TDRD10: variants seen among roughly 807,000 people sequenced by gnomAD.
The protein encoded by TDRD10 is tudor domain containing 10, also known as tudor domain-containing protein 10.
In TDRD10, 40 loss-of-function variants were observed where a neutral mutation model predicts 48.0. The observed-to-expected ratio is 0.83, with a 90% CI of 0.65 to 1.09. The LOEUF (loss-of-function observed/expected upper bound fraction) is 1.09. TDRD10 is among the 50% of genes least tolerant of loss of function. The pLI, the probability that TDRD10 is intolerant of heterozygous loss-of-function variation, is 0.00. For synonymous variants in TDRD10, 162 were observed against 170.4 expected, an observed-to-expected ratio of 0.95 and a Z score of 0.38; for missense variants, 378 against 434.7, an observed-to-expected ratio of 0.87 and a Z score of 1.16.
At chr1:154,512,961 G>C (rs1288670655) in intron 4 of TDRD10, among the ~76,000 whole-genome samples, 2 of 152,176 alleles carry the variant, frequency 1.3e-5, no homozygotes. Context: ...TTTGAGATTT[G>C]TTTCAGAATA....
At chr1:154,517,932 A>C (rs1693862632) in intron 4 of TDRD10, among the ~76,000 whole-genome samples, 1 of 152,032 alleles carries the variant, frequency 6.6e-6, no homozygotes, top group African/African-American at 2.4e-5. Flanking sequence ...ACTGACTTGC[A>C]CTCCCACCAG....
intron 5 of TDRD10, among the ~76,000 whole-genome samples, chr1:154,521,071 T>C (rs185187901): frequency 3.9e-5 from 6 of 152,306 alleles, no homozygotes; most frequent in Admixed American, 2.0e-4. Context: ...AGTATTAAAC[T>C]CAAAGTCATA....
chr1:154,526,118 T>C (rs1358895843), intron 6 of TDRD10, among the ~76,000 whole-genome samples: 1 of 150,014 alleles, frequency 6.7e-6, no homozygotes, highest in East Asian at 2.0e-4. Context: ...GGCAGGAAAA[T>C]TGCTTGAACC....
chr1:154,511,668 T>G (rs1693482466), intron 4 of TDRD10, among the ~76,000 whole-genome samples: 1 of 151,742 alleles, frequency 6.6e-6, no homozygotes, highest in Non-Finnish European at 1.5e-5. Context: ...GCCAACGTGG[T>G]GAAACCCCAT....
chr1:154,521,643 A>G (rs955439263), intron 6 of TDRD10, among the ~76,000 whole-genome samples, 164 bp downstream of exon 6: 8 of 152,222 alleles, frequency 5.3e-5, no homozygotes, highest in African/African-American at 1.9e-4. Context: ...TTTAACAGTC[A>G]GAGGTAAGGT....
chr1:154,529,012 T>C (rs1271267233), intron 6 of TDRD10, among the ~76,000 whole-genome samples: 2 of 152,216 alleles, frequency 1.3e-5, no homozygotes, highest in Non-Finnish European at 2.9e-5. Context: ...TCCCTGTTAA[T>C]AATGCAGTTG....
At chr1:154,539,089 A>G (rs1570973974) in intron 6 of TDRD10, among the ~76,000 whole-genome samples, 1 of 152,160 alleles carries the variant, frequency 6.6e-6, no homozygotes, top group African/African-American at 2.4e-5. Context: ...TCTCCCAACC[A>G]GGATTGGGGT....
At chr1:154,503,902 C>T (rs1394000937) in intron 1 of TDRD10, among the ~76,000 whole-genome samples, 1 of 152,144 alleles carries the variant, frequency 6.6e-6, no homozygotes, top group Non-Finnish European at 1.5e-5. Context: ...TAAAATTCAC[C>T]TGTTTTAAGT....
chr1:154,543,223 C>T (rs1261603369), intron 8 of TDRD10, among the ~76,000 whole-genome samples: 1 of 152,000 alleles, frequency 6.6e-6, no homozygotes, highest in African/African-American at 2.4e-5. Flanking sequence ...TGCAGTGAGC[C>T]GAGATTGTGC....
At chr1:154,508,824 G>GAGC (rs1693292145) in intron 4 of TDRD10, among the ~76,000 whole-genome samples, 1 of 152,128 alleles carries the variant, frequency 6.6e-6, no homozygotes, top group Admixed American at 6.5e-5. Flanking sequence ...TGGTAATGGG[G>GAGC]AGCAGTTGGT....
chr1:154,509,100 T>TTC (rs1278102479), intron 4 of TDRD10, among the ~76,000 whole-genome samples: 2 of 150,832 alleles, frequency 1.3e-5, no homozygotes, highest in African/African-American at 4.9e-5. Flanking sequence ...CCTGACTTTT[T>TTC]TTTTTTTTTT....
intron 6 of TDRD10, among the ~76,000 whole-genome samples, chr1:154,526,652 A>G (rs982233584): frequency 2.9e-4 from 44 of 151,954 alleles, no homozygotes; most frequent in African/African-American, 1.1e-3. Flanking sequence ...ACAGGGTTTC[A>G]CCATGTCGGC....
intron 6 of TDRD10, among the ~76,000 whole-genome samples, chr1:154,531,496 C>A (rs547632266): frequency 6.6e-6 from 1 of 152,100 alleles, no homozygotes; most frequent in African/African-American, 2.4e-5. Context: ...TGCAGACCTT[C>A]GCAGTGAGTG....
intron 1 of TDRD10, among the ~76,000 whole-genome samples, chr1:154,505,613 T>C (rs1361068646): frequency 6.6e-6 from 1 of 152,122 alleles, no homozygotes; most frequent in African/African-American, 2.4e-5. Context: ...TTCCCTAAAG[T>C]ACAGGAAAAA....
intron 1 of TDRD10, among the ~76,000 whole-genome samples, chr1:154,503,391 C>G (rs565103828): frequency 1.3e-4 from 20 of 152,116 alleles, no homozygotes; most frequent in Non-Finnish European, 2.1e-4. Context: ...AGTTCGAGAC[C>G]AGCCTGGCCA....
At chr1:154,536,025 C>T (rs556192797) in intron 6 of TDRD10, among the ~76,000 whole-genome samples, 1 of 152,300 alleles carries the variant, frequency 6.6e-6, no homozygotes, top group East Asian at 1.9e-4. Context: ...AAAACTTAGC[C>T]AAAGATTCAA....
At chr1:154,505,923 T>C (rs1311648262) in intron 1 of TDRD10, among the ~76,000 whole-genome samples, 1 of 152,220 alleles carries the variant, frequency 6.6e-6, no homozygotes, top group African/African-American at 2.4e-5. Flanking sequence ...CATGGGTGTT[T>C]TGATTCTGAC....
intron 4 of TDRD10, among the ~76,000 whole-genome samples, chr1:154,513,109 A>G (rs1693571078): frequency 6.6e-6 from 1 of 152,196 alleles, no homozygotes; most frequent in Admixed American, 6.5e-5. Flanking sequence ...AAGTTTCCAA[A>G]TAAAAAGACA....
chr1:154,534,100 G>A (rs963275101), intron 6 of TDRD10, among the ~76,000 whole-genome samples: 5 of 152,056 alleles, frequency 3.3e-5, no homozygotes, highest in African/African-American at 9.7e-5. Flanking sequence ...TTCAGTTTGT[G>A]TCCATGAAAC....
Sources: gnomAD v4.1 joint callset for allele counts (sites outside exome capture counted in the v4.1 genomes callset) on GRCh38, gnomAD v4.1.1 for gene constraint, MANE v1.5 for transcripts, NCBI Gene and HGNC (gene_info 2026-07-23, HGNC 2026-07-21) for gene names.